The following CEP290 variants were observed in gnomAD, a reference collection of about 807,000 sequenced individuals.
The protein encoded by CEP290 is centrosomal protein of 290 kDa.
A neutral mutation model predicts 344.9 loss-of-function variants in CEP290; 317 were observed. The observed-to-expected ratio is 0.92, with a 90% confidence interval of 0.84 to 1.01. The LOEUF is 1.01. Ranked by LOEUF, CEP290 falls within the 50% of genes least tolerant of loss-of-function variation. CEP290 has a pLI of 0.00. For synonymous variants in CEP290, 932 were observed against 895.8 expected (o/e 1.04, Z -0.72); for missense variants, 2,754 against 2,761.4 (o/e 1.00, Z 0.06).
Position 88,084,460 on chromosome 12 carries a change from G to T in CEP290, c.4704+126C>A, listed in dbSNP as rs1274044684. ...AGAGGTGTAATCCAATCACATGCAA[G>T]TAACAATTCTTAAATAGAATCATTT... is the stretch of plus-strand genomic sequence containing the variant. On this transcript the variant is annotated intron_variant, in intron 35 of 53. Transcript: ENST00000552810. 4.5e-6 allele frequency: 4 copies of T among 887,844 alleles called. No homozygotes were observed. In the East Asian group the frequency reaches 1.0e-4, roughly 22 times the overall value. 55.0% of individuals were successfully genotyped at this position (887,844 alleles called of 1,614,324 possible).
rs2034319909 is a variant in CEP290 at position 88,059,792 on chromosome 12, A to G, written c.6645+106T>C. ...AGAAACACAATTCCTCAATCTCTTA[A>G]TATCTACCTTTACAGACACTCTCAT... On this transcript the variant is annotated intron_variant, in intron 48 of 53. Coordinates refer to ENST00000552810, the MANE Select transcript of CEP290 (RefSeq NM_025114.4). The G allele has an allele frequency of 4.5e-6, 4 of 886,824 alleles. No individual in the cohort carries two copies. In the South Asian group the frequency reaches 8.4e-5, roughly 19 times the overall value. The allele number at this position is 886,824 out of a possible 1,614,324, so 54.9% of individuals were successfully genotyped here. A position where few individuals can be genotyped will look rare whatever the true frequency, so the allele number is the denominator to read the frequency against.
intron 41 of CEP290, among the ~76,000 whole-genome samples, chr12:88,075,857 G>C (rs747637911): frequency 1.6e-4 from 25 of 152,128 alleles, no homozygotes; most frequent in Non-Finnish European, 3.5e-4. Flanking sequence ...TACTGCTATG[G>C]ATGTGATGGC....
Position 88,064,687 on chromosome 12 carries a change from G to C in CEP290, c.6136-572C>G, listed in dbSNP as rs113143640. Reference sequence around the variant, plus strand: ...AAGGAAGATGATAAAAAGAAACAGGGAAAACATGGACATTTATAAGCCAAG... The same window carrying C: ...AAGGAAGATGATAAAAAGAAACAGGCAAAACATGGACATTTATAAGCCAAG... On this transcript the variant is annotated intron_variant, in intron 44 of 53. Coordinates refer to ENST00000552810, the MANE Select transcript of CEP290 (RefSeq NM_025114.4). Among the ~76,000 whole-genome samples, 43 of 152,166 alleles carry C rather than the reference G, an allele frequency of 2.8e-4. 1 individual carries two copies. Among genetic ancestry groups the C allele is most frequent in the African/African-American group, 9.9e-4 (41 of 41,546 alleles).
chr12:88,065,921 A>C (rs1303639691), intron 44 of CEP290, among the ~76,000 whole-genome samples: 1 of 152,242 alleles, frequency 6.6e-6, no homozygotes, highest in Non-Finnish European at 1.5e-5. Context: ...TGTATAACGA[A>C]CTTCACGAGA....
Position 88,087,805 on chromosome 12 carries a change from T to C in CEP290, c.4169A>G (p.Glu1390Gly). The change falls in exon 32 of 54, where the codon GAA (glutamate) becomes GGA (glycine). Residue 1390 changes from glutamate (E) to glycine (G), a missense_variant. By Grantham distance (98) the Glu-to-Gly change is moderately conservative. Transcript: ENST00000552810. ...SEYERTISSL[E>G]EEIVQQNKFH... ...CTTGTTCTGTTGCACAATTTCTTCT[T>C]CAAGACTGCTGATTGTACGTTCATA... 7.8e-7 allele frequency: 1 copy of C among 1,287,190 alleles called. No individual in the cohort carries two copies. The highest frequency in any genetic ancestry group is 1.0e-6 in the Non-Finnish European group (1 of 997,666). The allele number at this position is 1,287,190 out of a possible 1,614,324, so 79.7% of individuals were successfully genotyped here.
In CEP290 at chr12:88,090,774, C is replaced by A. The variant is rs868351171; in HGVS notation, c.3527G>T (p.Arg1176Met). The change falls in exon 30 of 54, where the codon AGG becomes ATG. Residue 1176 changes from arginine to methionine, a missense_variant. Arg to Met is a moderately conservative substitution (Grantham distance 91). Coordinates refer to ENST00000552810, the MANE Select transcript of CEP290 (RefSeq NM_025114.4). ...TCTGAGGGACTCTACTTCCTTGTCC[C>A]TAGATTGTTGTTGTGCATTCAAAAT... ...VEILNAQQQS[R>M]DKEVESLRMQ... The A allele has an allele frequency of 6.4e-7, 1 of 1,563,386 alleles. No homozygotes were observed. The highest frequency in any genetic ancestry group is 8.7e-7 in the Non-Finnish European group (1 of 1,151,846).
chr12:88,075,539 TA>T (rs1039101832), intron 41 of CEP290, among the ~76,000 whole-genome samples: 1 of 147,522 alleles, frequency 6.8e-6, no homozygotes, highest in Non-Finnish European at 1.5e-5. Flanking sequence ...TATGGTCTAA[TA>T]AAAAAAGAAA....
chr12:88,077,065 T>C (rs1415033720), intron 41 of CEP290, among the ~76,000 whole-genome samples, 157 bp downstream of exon 41: 1 of 152,066 alleles, frequency 6.6e-6, no homozygotes, highest in Non-Finnish European at 1.5e-5. Context: ...TAGACTTTTC[T>C]ACGTTATTCA....
At position 88,139,195 on chromosome 12, in the gene CEP290, T is replaced by G; in HGVS notation, c.251-4A>C. On this transcript the variant is annotated splice_region_variant and splice_polypyrimidine_tract_variant and intron_variant, in intron 4 of 53. Transcript: ENST00000552810. ...ACTTTAGTTTTTAATTGATTTTCTA[T>G]TTTTTTAAAAAAAAAGAAAAACGTT... The G allele has an allele frequency of 9.0e-7, 1 of 1,114,774 alleles. No individual in the cohort carries two copies. Among genetic ancestry groups the G allele is most frequent in the Middle Eastern group, 2.1e-4 (1 of 4,790 alleles). The allele number at this position is 1,114,774 out of a possible 1,614,324, so 69.1% of individuals were successfully genotyped here.
At chr12:88,141,177 A>T in intron 2 of CEP290, 29 bp downstream of exon 2, 1 of 1,430,656 alleles carries the variant, frequency 7.0e-7, no homozygotes, top group Non-Finnish European at 9.6e-7. Context: ...GTTAATGTAT[A>T]TATCTATTAT....
At chr12:88,125,143 C>A in intron 13 of CEP290, 103 bp downstream of exon 13, 1 of 389,706 alleles carries the variant, frequency 2.6e-6, no homozygotes, top group South Asian at 1.2e-4. Context: ...ATATAAAATT[C>A]AAATGGAGAA....
chr12:88,132,982 T>C (rs1388114210), intron 6 of CEP290, among the ~76,000 whole-genome samples: 4 of 151,928 alleles, frequency 2.6e-5, no homozygotes, highest in Admixed American at 6.6e-5. Context: ...GAACATGCAG[T>C]GTTTGGTTTT....
At chr12:88,081,720 G>A (rs957975257) in intron 37 of CEP290, among the ~76,000 whole-genome samples, 3 of 152,062 alleles carry the variant, frequency 2.0e-5, no homozygotes, top group Admixed American at 6.6e-5. Flanking sequence ...CTAAAATGAC[G>A]TAAGGTACAC....
intron 15 of CEP290, 107 bp downstream of exon 15, chr12:88,120,007 A>G: frequency 1.6e-6 from 1 of 640,988 alleles, no homozygotes; most frequent in African/African-American, 1.9e-5. Context: ...AAAGCATTTG[A>G]AAAAAGCATT....
chr12:88,062,674 T>A lies in CEP290; in HGVS notation c.6357+18A>T. The A allele has an allele frequency of 6.4e-7, 1 of 1,551,774 alleles. No homozygotes were observed. Among genetic ancestry groups the A allele is most frequent in the Non-Finnish European group, 8.9e-7 (1 of 1,129,656 alleles). Reference sequence around the variant, plus strand: ...CACTGCTGAAACCAAAACAAATGTATGGTAAATTCTCACATACCCCTCTAA... The same window carrying A: ...CACTGCTGAAACCAAAACAAATGTAAGGTAAATTCTCACATACCCCTCTAA... On this transcript the variant is annotated intron_variant, in intron 46 of 53. Coordinates refer to ENST00000552810, the MANE Select transcript of CEP290 (RefSeq NM_025114.4).
chr12:88,053,281 A>G (rs754172750), intron 52 of CEP290, among the ~76,000 whole-genome samples: 2 of 152,174 alleles, frequency 1.3e-5, no homozygotes, highest in Non-Finnish European at 2.9e-5. Flanking sequence ...AAAAAAATAT[A>G]GGCAGTATTT....
intron 13 of CEP290, 30 bp downstream of exon 13, chr12:88,125,216 T>C (rs1168131339): frequency 1.6e-6 from 1 of 627,122 alleles, no homozygotes; most frequent in Non-Finnish European, 2.4e-6. Context: ...CATAATTGTA[T>C]ATAAAATAAC....
chr12:88,072,436 T>C (rs1472096184), intron 41 of CEP290, among the ~76,000 whole-genome samples: 3 of 152,158 alleles, frequency 2.0e-5, no homozygotes, highest in South Asian at 2.1e-4. Flanking sequence ...ACTCCTAGAA[T>C]CTTTGGGCAT....
intron 11 of CEP290, among the ~76,000 whole-genome samples, chr12:88,127,350 T>G (rs1225513600): frequency 6.6e-6 from 1 of 152,140 alleles, no homozygotes; most frequent in Non-Finnish European, 1.5e-5. Flanking sequence ...TAGCTGCGCA[T>G]GGCGGCACAT....
Sources: allele counts gnomAD v4.1 joint callset (sites outside exome capture counted in the v4.1 genomes callset), GRCh38; gene constraint gnomAD v4.1.1; transcripts MANE v1.5; gene names NCBI Gene and HGNC (gene_info 2026-07-23, HGNC 2026-07-21).